ABR: variants seen among roughly 807,000 people sequenced by gnomAD.
ABR encodes the protein active breakpoint cluster region-related protein.
In ABR, 35 loss-of-function variants were observed where a neutral mutation model predicts 107.2. That is an observed-to-expected ratio of 0.33 (90% CI 0.25 to 0.43). The LOEUF (loss-of-function observed/expected upper bound fraction) is 0.43, where lower values mean the gene tolerates loss of function less well. ABR is among the 20% of genes least tolerant of loss of function. The pLI, the probability that ABR is intolerant of heterozygous loss-of-function variation, is 1.00. For synonymous variants in ABR, 498 were observed against 462.0 expected (o/e 1.08, Z -1.00); for missense variants, 815 against 1,115.2 (o/e 0.73, Z 3.83).
intron 1 of ABR, among the ~76,000 whole-genome samples, chr17:1,223,075 A>C (rs1301720256): frequency 3.9e-5 from 6 of 151,902 alleles, no homozygotes; most frequent in Non-Finnish European, 5.9e-5. Context: ...GGTGGCGGGC[A>C]CCTGTAATCC....
chr17:1,059,164 G>C (rs2033659849), intron 10 of ABR, among the ~76,000 whole-genome samples: 1 of 152,072 alleles, frequency 6.6e-6, no homozygotes, highest in East Asian at 1.9e-4. Context: ...CACTCGCCAA[G>C]CCAGCATCTC....
chr17:1,206,923 T>G (rs62088680), intron 1 of ABR, among the ~76,000 whole-genome samples: 1 of 151,604 alleles, frequency 6.6e-6, no homozygotes, highest in African/African-American at 2.4e-5. Context: ...CGTCTCTACT[T>G]AAAATACAAA....
chr17:1,011,732 G>A lies in ABR; in HGVS notation c.2101+114C>T. ...AAGCACTTGCCACGGGGACTCTGAA[G>A]CAGAGCAAGCCTCCTCTCCAGGGAG... On this transcript the variant is annotated intron_variant, in intron 19 of 22. Transcript: ENST00000302538. This position sits in a 1 kb window ranked among gnomAD's most constrained non-coding sequence, Gnocchi z 4.8. 7.5e-7 allele frequency: 1 copy of A among 1,341,984 alleles called. No individual in the cohort carries two copies. The highest frequency in any genetic ancestry group is 9.9e-7 in the Non-Finnish European group (1 of 1,010,392). The allele number at this position is 1,341,984 out of a possible 1,614,324, so 83.1% of individuals were successfully genotyped here.
intron 16 of ABR, among the ~76,000 whole-genome samples, chr17:1,040,389 G>C (rs1432911020): frequency 6.6e-6 from 1 of 152,160 alleles, no homozygotes; most frequent in Non-Finnish European, 1.5e-5. Context: ...GCTGACAAAG[G>C]CCCCTTGTTT....
chr17:1,114,220 C>T (rs1385437124), intron 2 of ABR, among the ~76,000 whole-genome samples: 2 of 146,676 alleles, frequency 1.4e-5, no homozygotes, highest in South Asian at 2.2e-4. Flanking sequence ...CCTTTAATCC[C>T]GCACTTTGGG....
Position 1,100,816 on chromosome 17 carries a change from T to TC in ABR, c.247-82dup, listed in dbSNP as rs1004436451. The TC allele has an allele frequency of 2.9e-4, 379 of 1,316,124 alleles. 1 individual carries two copies. The highest frequency in any genetic ancestry group is 3.8e-4 in the Non-Finnish European group (346 of 922,130). 81.5% of individuals were successfully genotyped at this position (1,316,124 alleles called of 1,614,324 possible). A position where few individuals can be genotyped will look rare whatever the true frequency, so the allele number is the denominator to read the frequency against. ...CGTGGACGGTCTGCTTCCCTGCCCT[T>TC]CCCCCCCGACCTTTATTTTTTTTTT... is the stretch of plus-strand genomic sequence containing the variant. On this transcript the variant is annotated intron_variant, in intron 2 of 22. Coordinates refer to ENST00000302538, the MANE Select transcript of ABR (RefSeq NM_021962.5).
At chr17:1,178,002 G>C (rs1158155257) in intron 1 of ABR, 2 of 152,316 alleles carry the variant, frequency 1.3e-5, no homozygotes, top group African/African-American at 4.8e-5. Flanking sequence ...AGGGGATCCG[G>C]CTTTGCCCCT....
rs1170325261 is a variant in ABR, at chr17:1,003,583, A to G, written c.*2497T>C. ...AACATTTTCCTCTCACGTGGTTTAC[A>G]TCAATTTATAATAATCTACATAAGT... On this transcript the variant is annotated 3_prime_UTR_variant, in exon 23 of 23. Coordinates refer to ENST00000302538, the MANE Select transcript of ABR (RefSeq NM_021962.5). 6.6e-6 allele frequency: 1 copy of G among 152,660 alleles called. No individual in the cohort carries two copies. The highest frequency in any genetic ancestry group is 2.4e-5 in the African/African-American group (1 of 41,472). The allele number at this position is 152,660 out of a possible 1,614,324, so 9.5% of individuals were successfully genotyped here. A position where few individuals can be genotyped will look rare whatever the true frequency, so the allele number is the denominator to read the frequency against.
Position 1,179,760 on chromosome 17 carries a change from C to A in ABR, c.-33G>T. 1 of 1,440,402 alleles carries A rather than the reference C, an allele frequency of 6.9e-7. No individual in the cohort carries two copies. The highest frequency in any genetic ancestry group is 9.2e-7 in the Non-Finnish European group (1 of 1,088,910). 89.2% of individuals were successfully genotyped at this position (1,440,402 alleles called of 1,614,324 possible). A position where few individuals can be genotyped will look rare whatever the true frequency, so the allele number is the denominator to read the frequency against. On this transcript the variant is annotated 5_prime_UTR_variant, in exon 1 of 23. Coordinates refer to ENST00000302538, the MANE Select transcript of ABR (RefSeq NM_021962.5). The surrounding 1 kb of genome is among the most constrained non-coding windows in gnomAD (Gnocchi z 4.9). ...CGGCGGCTCGGTCAGATCCGAAACC[C>A]GACCCTCATCGCGCAACAAAGGAGG...
chr17:1,144,890 G>C lies in ABR; in HGVS notation c.62-19523C>G, dbSNP rs78415220. The stretch of plus-strand genomic sequence containing the variant: ...CAAAAATTAGCTGGGTGTGTGGCGG[G>C]CCCCTGTAATTCCAGCTACTCGGGA... On this transcript the variant is annotated intron_variant, in intron 1 of 22. Coordinates refer to ENST00000302538, the MANE Select transcript of ABR (RefSeq NM_021962.5). 8.6e-3 allele frequency among the ~76,000 whole-genome samples: 1,306 copies of C among 152,184 alleles called. 15 individuals are homozygous for C. Among genetic ancestry groups the C allele is most frequent in the African/African-American group, 0.03 (1,239 of 41,518 alleles).
chr17:1,184,089 A>T (rs560426495), upstream of ABR, among the ~76,000 whole-genome samples: 1 of 151,990 alleles, frequency 6.6e-6, no homozygotes, highest in East Asian at 1.9e-4. Context: ...ATGTGCCTGT[A>T]ATCCCAGCAG....
At chr17:1,012,470 A>G in intron 18 of ABR, 1 of 697,936 alleles carries the variant, frequency 1.4e-6, no homozygotes, top group Non-Finnish European at 2.6e-6. Context: ...ATCTCACAAG[A>G]GACCTTCCAG....
rs2035933636 is a variant in ABR, at chr17:1,078,593, C to T, written c.700+737G>A. The stretch of plus-strand genomic sequence containing the variant: ...ATCCTCGGGGCCACCTGGACCCCTC[C>T]AGCCTGGTCCTTCCATTTGCAAGCG... On this transcript the variant is annotated intron_variant, in intron 6 of 22. Coordinates refer to ENST00000302538, the MANE Select transcript of ABR (RefSeq NM_021962.5). The surrounding 1 kb of genome is among the most constrained non-coding windows in gnomAD (Gnocchi z 7.5). Among the ~76,000 whole-genome samples the T allele has an allele frequency of 6.6e-6, 1 of 152,192 alleles. No individual in the cohort carries two copies. Among genetic ancestry groups the T allele is most frequent in the Admixed American group, 6.5e-5 (1 of 15,282 alleles).
intron 16 of ABR, chr17:1,031,605 CGGAG>C: frequency 8.6e-7 from 1 of 1,161,886 alleles, no homozygotes; most frequent in Admixed American, 4.6e-5. Flanking sequence ...CACCTTGTTT[CGGAG>C]CAGCTTGTTG....
chr17:1,217,934 A>T (rs1182689848), intron 1 of ABR, among the ~76,000 whole-genome samples: 2 of 152,206 alleles, frequency 1.3e-5, no homozygotes, highest in African/African-American at 2.4e-5. Flanking sequence ...ACCTCAGGTG[A>T]TCCGCCCGCC....
At chr17:1,139,549 G>C (rs1597948650) in intron 1 of ABR, among the ~76,000 whole-genome samples, 1 of 135,744 alleles carries the variant, frequency 7.4e-6, no homozygotes, top group Non-Finnish European at 1.7e-5. Context: ...ACCGTGCCCG[G>C]CCTGTTTTTT....
At chr17:1,079,121 C>A (rs1597713617) in intron 6 of ABR, 2 of 1,436,268 alleles carry the variant, frequency 1.4e-6, no homozygotes, top group East Asian at 2.5e-5. Context: ...ACGTTTGTAG[C>A]TGGCTGGCTG....
intron 16 of ABR, among the ~76,000 whole-genome samples, chr17:1,043,239 C>T (rs1597506669): frequency 6.6e-6 from 1 of 152,088 alleles, no homozygotes; most frequent in African/African-American, 2.4e-5. Flanking sequence ...ATGATCTTGG[C>T]TCACTGCAAC....
At chr17:1,049,096 G>A (rs980248801) in intron 16 of ABR, among the ~76,000 whole-genome samples, 5 of 152,176 alleles carry the variant, frequency 3.3e-5, no homozygotes, top group African/African-American at 1.2e-4. Flanking sequence ...ATGTTTCAGA[G>A]ACACAGGCTG....
Sources: allele counts gnomAD v4.1 joint callset (sites outside exome capture counted in the v4.1 genomes callset), GRCh38; gene constraint gnomAD v4.1.1; non-coding constraint Gnocchi (gnomAD v3.1); transcripts MANE v1.5; gene names NCBI Gene and HGNC (gene_info 2026-07-23, HGNC 2026-07-21).